The following COL9A1 variants were observed in gnomAD, a reference collection of about 807,000 sequenced individuals.
COL9A1 encodes collagen type IX alpha 1 chain.
In COL9A1, 104 loss-of-function variants were observed where a neutral mutation model predicts 142.6. That is an observed-to-expected ratio of 0.73 (90% CI 0.62 to 0.86). The LOEUF (loss-of-function observed/expected upper bound fraction) is 0.86, where lower values mean the gene tolerates loss of function less well. Among genes scored for constraint, COL9A1 ranks in the 40% least tolerant of loss-of-function variants. The pLI is 0.00. For synonymous variants in COL9A1, 466 were observed against 396.0 expected (o/e 1.18, Z -2.10); for missense variants, 1,210 against 1,176.6 (o/e 1.03, Z -0.42).
At chr6:70,273,879 A>T in intron 12 of COL9A1, 168 bp downstream of exon 12, 2 of 305,750 alleles carry the variant, frequency 6.5e-6, no homozygotes, top group Non-Finnish European at 1.2e-5. Flanking sequence ...AGATGTCATC[A>T]ACTTATTTCT....
At position 70,216,453 on chromosome 6, in the gene COL9A1, T is replaced by C. The variant is rs986098645; in HGVS notation, c.*444A>G. ...TGTAGTGGGGTTTCTTCATAACTAG[T>C]CTAGTAATCCTCTATATAACTGAAA... On this transcript the variant is annotated 3_prime_UTR_variant, in exon 38 of 38. Coordinates refer to ENST00000357250, the MANE Select transcript of COL9A1 (RefSeq NM_001851.6). 1.1e-5 allele frequency: 2 copies of C among 188,608 alleles called. No individual in the cohort carries two copies. The highest frequency in any genetic ancestry group is 5.3e-5 in the Admixed American group (1 of 18,700). 11.7% of individuals were successfully genotyped at this position (188,608 alleles called of 1,614,324 possible). A position where few individuals can be genotyped will look rare whatever the true frequency, so the allele number is the denominator to read the frequency against.
At chr6:70,223,392 T>A (rs1410686052) in intron 37 of COL9A1, among the ~76,000 whole-genome samples, 1 of 152,238 alleles carries the variant, frequency 6.6e-6, no homozygotes, top group East Asian at 1.9e-4. Context: ...CACTGTTTTA[T>A]AAATGGGAAA....
chr6:70,274,248 G>A (rs985806335), intron 11 of COL9A1, among the ~76,000 whole-genome samples, 166 bp from the exon 12 acceptor site: 1 of 134,168 alleles, frequency 7.5e-6, no homozygotes, highest in African/African-American at 2.5e-5. Flanking sequence ...AGGATGTGCA[G>A]GTTTGTTACA....
rs55709776 is a variant in COL9A1, at chr6:70,216,359, A to T, written c.*538T>A. 1.0e-3 allele frequency: 158 copies of T among 157,078 alleles called. No homozygotes were observed. The highest frequency in any genetic ancestry group is 3.7e-3 in the African/African-American group (153 of 41,592). The allele number at this position is 157,078 out of a possible 1,614,324, so 9.7% of individuals were successfully genotyped here. On this transcript the variant is annotated 3_prime_UTR_variant, in exon 38 of 38. Transcript: ENST00000357250. ...CATGACGTAAAGAAATCATTTCGGG[A>T]GATGTAGCCCTTTCTTATCACTCCA...
chr6:70,256,687 T>C, intron 21 of COL9A1, 81 bp downstream of exon 21: 1 of 1,149,100 alleles, frequency 8.7e-7, no homozygotes, highest in Non-Finnish European at 1.3e-6. Flanking sequence ...TATTCACACA[T>C]AAACAATACT....
chr6:70,225,859 T>C, intron 37 of COL9A1, 73 bp downstream of exon 37: 1 of 1,092,408 alleles, frequency 9.2e-7, no homozygotes, highest in Non-Finnish European at 1.4e-6. Flanking sequence ...TATTTTAAAA[T>C]TTTATTCAAT....
chr6:70,252,144 T>C lies in COL9A1; in HGVS notation c.1848A>G (p.Gly616=). 1 of 1,614,022 alleles carries C rather than the reference T, an allele frequency of 6.2e-7. No individual in the cohort carries two copies. The highest frequency in any genetic ancestry group is 8.5e-7 in the Non-Finnish European group (1 of 1,179,986). Residue 616 remains glycine, a synonymous_variant, in exon 28 of 38, where the codon GGA becomes GGG. Transcript: ENST00000357250. ...PGQQGPPGEV[G]PRGPQGLPGS... is the part of the protein sequence containing the mutation. ...CAGGAAGCCCCTGGGGTCCTCGGGG[T>C]CCCACCTCTCCTGGAGGCCCCTGTT...
rs374054294 is a variant in COL9A1, at chr6:70,253,440, A to T, written c.1720-11T>A. 1 of 1,599,316 alleles carries T rather than the reference A, an allele frequency of 6.3e-7. No individual in the cohort carries two copies. The highest frequency in any genetic ancestry group is 8.6e-7 in the Non-Finnish European group (1 of 1,167,252). ...AATTCCAGGTACACCCTAAAAGAAT[A>T]CATACACAATCCTAGTTTAATCACC... is the stretch of plus-strand genomic sequence containing the variant. On this transcript the variant is annotated splice_polypyrimidine_tract_variant and intron_variant, in intron 25 of 37. Coordinates refer to ENST00000357250, the MANE Select transcript of COL9A1 (RefSeq NM_001851.6).
chr6:70,268,741 A>C, intron 17 of COL9A1, 63 bp downstream of exon 17: 1 of 1,474,968 alleles, frequency 6.8e-7, no homozygotes, highest in East Asian at 2.3e-5. Flanking sequence ...GCTAATGCTT[A>C]AAGTAAAGGC....
In COL9A1 at chr6:70,269,789, G is replaced by A; in HGVS notation, c.1198-124C>T. The A allele has an allele frequency of 1.4e-5, 9 of 655,822 alleles. No individual in the cohort carries two copies. In the South Asian group the frequency reaches 1.8e-4, roughly 13 times the overall value. 40.6% of individuals were successfully genotyped at this position (655,822 alleles called of 1,614,324 possible). A position where few individuals can be genotyped will look rare whatever the true frequency, so the allele number is the denominator to read the frequency against. Reference sequence around the variant, plus strand: ...TTGTTTAATAAAATATAAGAAACCAGATAATATGCTAATATTCTAAAATCC... The same window carrying A: ...TTGTTTAATAAAATATAAGAAACCAAATAATATGCTAATATTCTAAAATCC... On this transcript the variant is annotated intron_variant, in intron 15 of 37. Coordinates refer to ENST00000357250, the MANE Select transcript of COL9A1 (RefSeq NM_001851.6).
chr6:70,294,685 C>G, intron 4 of COL9A1, 122 bp from the exon 5 acceptor site: 1 of 904,162 alleles, frequency 1.1e-6, no homozygotes, highest in Non-Finnish European at 1.8e-6. Flanking sequence ...GTGTAAAAAC[C>G]TATGTACCGT....
In COL9A1 at chr6:70,253,329, T is replaced by C. The variant is rs892789702; in HGVS notation, c.1764+56A>G. On this transcript the variant is annotated intron_variant, in intron 26 of 37. Coordinates refer to ENST00000357250, the MANE Select transcript of COL9A1 (RefSeq NM_001851.6). ...AAAATATTAAAAATTACAAATACGT[T>C]AGTAAATAATAAAGAAATTAAGAAA... 17 of 1,126,040 alleles carry C rather than the reference T, an allele frequency of 1.5e-5. 1 individual carries two copies. Among genetic ancestry groups the C allele is most frequent in the Middle Eastern group, 4.2e-4 (2 of 4,796 alleles). 69.8% of individuals were successfully genotyped at this position (1,126,040 alleles called of 1,614,324 possible). A position where few individuals can be genotyped will look rare whatever the true frequency, so the allele number is the denominator to read the frequency against.
chr6:70,235,057 G>C, intron 33 of COL9A1, 117 bp from the exon 34 acceptor site: 2 of 1,289,700 alleles, frequency 1.6e-6, no homozygotes, highest in African/African-American at 2.9e-5. Context: ...ATCCTAACAG[G>C]TGTTCTTTCA....
At chr6:70,228,348 AG>A (rs1433131363) in intron 36 of COL9A1, among the ~76,000 whole-genome samples, 1 of 152,146 alleles carries the variant, frequency 6.6e-6, no homozygotes, top group Non-Finnish European at 1.5e-5. Context: ...CATTAACAAA[AG>A]GCATTAATTC....
Position 70,302,040 on chromosome 6 carries a change from G to A in COL9A1, c.49C>T (p.Leu17=). ...IPVFFFVCSF[L]EPWASAAVKR... ...ACAGCTGCAGATGCCCAGGGTTCCA[G>A]GAAACTGCACACAAAGAAGAAAACT... Residue 17 remains leucine (L), a synonymous_variant, in exon 2 of 38, where the codon CTG becomes TTG. Coordinates refer to ENST00000357250, the MANE Select transcript of COL9A1 (RefSeq NM_001851.6). The A allele has an allele frequency of 1.2e-6, 2 of 1,611,904 alleles. No individual in the cohort carries two copies. The highest frequency in any genetic ancestry group is 1.7e-6 in the Non-Finnish European group (2 of 1,179,242).
At chr6:70,246,906 CTCA>C (rs1183762125) in intron 28 of COL9A1, among the ~76,000 whole-genome samples, 2 of 152,118 alleles carry the variant, frequency 1.3e-5, no homozygotes, top group African/African-American at 4.8e-5. Context: ...TGCCTGTTTC[CTCA>C]TCTATAAAGT....
At chr6:70,282,784 G>A in intron 7 of COL9A1, 114 bp downstream of exon 7, 2 of 1,503,992 alleles carry the variant, frequency 1.3e-6, no homozygotes, top group Non-Finnish European at 9.1e-7. Context: ...GGAAGCGCGG[G>A]TCTGAGAGCC....
chr6:70,262,772 A>T (rs143836787), intron 19 of COL9A1, among the ~76,000 whole-genome samples: 7 of 152,292 alleles, frequency 4.6e-5, no homozygotes, highest in African/African-American at 1.7e-4. Flanking sequence ...CGAGGGACCA[A>T]TTTTTTATTA....
rs758158477 is a variant in COL9A1 at position 70,234,619 on chromosome 6, G to A, written c.2260-26C>T. ...CTGGGACAGAAAAGAAAAAAAGGCAGTTTATGCATGAAACCATAAAGAGAA... is the reference window on the plus strand; with the variant it reads ...CTGGGACAGAAAAGAAAAAAAGGCAATTTATGCATGAAACCATAAAGAGAA... On this transcript the variant is annotated intron_variant, in intron 34 of 37. Transcript: ENST00000357250. The A allele has an allele frequency of 5.6e-6, 9 of 1,613,638 alleles. No individual in the cohort carries two copies. In the East Asian group the frequency reaches 2.0e-4, roughly 36 times the overall value.
Sources: gnomAD v4.1 joint callset for allele counts (sites outside exome capture counted in the v4.1 genomes callset) on GRCh38, gnomAD v4.1.1 for gene constraint, MANE v1.5 for transcripts, NCBI Gene and HGNC (gene_info 2026-07-23, HGNC 2026-07-21) for gene names.